The following RBM15B variants were observed in gnomAD, a reference collection of about 807,000 sequenced individuals.
RBM15B encodes the protein putative RNA-binding protein 15B.
RBM15B carries 11 observed loss-of-function variants against 53.3 expected under a neutral mutation model. That is an observed-to-expected ratio of 0.21 (90% CI 0.13 to 0.34). The LOEUF (loss-of-function observed/expected upper bound fraction) is 0.34, where lower values mean the gene tolerates loss of function less well. Ranked by LOEUF, RBM15B falls within the 10% of genes least tolerant of loss-of-function variation. The pLI, the probability that RBM15B is intolerant of heterozygous loss-of-function variation, is 1.00. For missense variants in RBM15B, 1,136 were observed against 1,250.3 expected, an observed-to-expected ratio of 0.91 and a Z score of 1.38; for synonymous variants, 631 against 540.7, an observed-to-expected ratio of 1.17 and a Z score of -2.32.
At position 51,392,098 on chromosome 3, in the gene RBM15B, C is replaced by T. The variant is rs1402369545; in HGVS notation, c.699C>T (p.Ser233=). 1.3e-6 allele frequency: 2 copies of T among 1,538,100 alleles called. No homozygotes were observed. Among genetic ancestry groups the T allele is most frequent in the African/African-American group, 1.4e-5 (1 of 72,464 alleles). Residue 233 remains serine, a synonymous_variant, in exon 1 of 1, where the codon AGC becomes AGT. Transcript: ENST00000563281. The surrounding 1 kb of genome is among the most constrained non-coding windows in gnomAD (Gnocchi z 7.5). The stretch of plus-strand genomic sequence containing the variant: ...GCAGTCGGCGAAGTAGCAGCAGCAG[C>T]GCCGCCGCTTCCACGCCTCCCCCAG... The part of the protein sequence containing the change: ...GGSSRRSSSS[S]AAASTPPPGP...
In RBM15B at chr3:51,393,478, C is replaced by G. The variant is rs143687792; in HGVS notation, c.2079C>G (p.Ala693=). 6.2e-6 allele frequency: 10 copies of G among 1,613,904 alleles called. No homozygotes were observed. The highest frequency in any genetic ancestry group is 8.5e-6 in the Non-Finnish European group (10 of 1,179,958). Residue 693 remains alanine, a synonymous_variant, in exon 1 of 1, where the codon GCC becomes GCG. Transcript: ENST00000563281. The surrounding 1 kb of genome is among the most constrained non-coding windows in gnomAD (Gnocchi z 5.6). The part of the protein sequence containing the change: ...DSERNHRTTE[A]EPKPLEEPKH... ...AGCGCAATCACCGGACCACAGAGGC[C>G]GAGCCCAAGCCTCTGGAAGAGCCAA...
In RBM15B at chr3:51,395,192, G is replaced by C. The variant is rs964728285; in HGVS notation, c.*1120G>C. The stretch of plus-strand genomic sequence containing the variant: ...ACTAGGGGATGCCCTTGATAATGAC[G>C]GTTTCCTAGGTGCAAGATCAGAGCA... On this transcript the variant is annotated 3_prime_UTR_variant, in exon 1 of 1. Transcript: ENST00000563281. 6.0e-6 allele frequency: 1 copy of C among 167,086 alleles called. No individual in the cohort carries two copies. The highest frequency in any genetic ancestry group is 2.4e-5 in the African/African-American group (1 of 41,426). 10.4% of individuals were successfully genotyped at this position (167,086 alleles called of 1,614,324 possible).
In RBM15B at chr3:51,393,634, G is replaced by A. The variant is rs782387115; in HGVS notation, c.2235G>A (p.Gly745=). 2 of 1,613,374 alleles carry A rather than the reference G, an allele frequency of 1.2e-6. No individual in the cohort carries two copies. The highest frequency in any genetic ancestry group is 2.2e-5 in the East Asian group (1 of 44,872). Residue 745 remains glycine, a synonymous_variant, in exon 1 of 1, where the codon GGG becomes GGA. Transcript: ENST00000563281. The surrounding 1 kb of genome is among the most constrained non-coding windows in gnomAD (Gnocchi z 5.6). The part of the protein sequence containing the change: ...TSMHILEGDQ[G]VISSLLKDHT... ...TGCATATCCTAGAGGGGGACCAGGGGGTGATCAGCAGTCTCCTCAAAGACC... is the reference window on the plus strand; with the variant it reads ...TGCATATCCTAGAGGGGGACCAGGGAGTGATCAGCAGTCTCCTCAAAGACC...
rs935031825 is a variant in RBM15B at position 51,395,533 on chromosome 3, G to A, written c.*1461G>A. Reference sequence around the variant, plus strand: ...AACACCCCAAATGCCATTCTTCAGCGTGTCTGGTACCTTGGATGTTCAAAC... The same window carrying A: ...AACACCCCAAATGCCATTCTTCAGCATGTCTGGTACCTTGGATGTTCAAAC... On this transcript the variant is annotated 3_prime_UTR_variant, in exon 1 of 1. Transcript: ENST00000563281. 2.6e-5 allele frequency: 9 copies of A among 349,280 alleles called. No individual in the cohort carries two copies. The highest frequency in any genetic ancestry group is 1.6e-4 in the South Asian group (1 of 6,428). The allele number at this position is 349,280 out of a possible 1,614,324, so 21.6% of individuals were successfully genotyped here.
In RBM15B at chr3:51,391,395, G is replaced by T; in HGVS notation, c.-5G>T. 8.2e-7 allele frequency: 1 copy of T among 1,225,594 alleles called. No homozygotes were observed. The highest frequency in any genetic ancestry group is 1.0e-6 in the Non-Finnish European group (1 of 983,342). 75.9% of individuals were successfully genotyped at this position (1,225,594 alleles called of 1,614,324 possible). On this transcript the variant is annotated 5_prime_UTR_variant, in exon 1 of 1. Coordinates refer to ENST00000563281, the MANE Select transcript of RBM15B (RefSeq NM_013286.5). The surrounding 1 kb of genome is among the most constrained non-coding windows in gnomAD (Gnocchi z 4.5). ...TACGGGCCGCCCGCCCGCCGCGCCA[G>T]CGCCATGAAGCGGCAGAGCGAGCGA... is the stretch of plus-strand genomic sequence containing the variant.
Position 51,395,525 on chromosome 3 carries a change from T to C in RBM15B, c.*1453T>C. On this transcript the variant is annotated 3_prime_UTR_variant, in exon 1 of 1. Coordinates refer to ENST00000563281, the MANE Select transcript of RBM15B (RefSeq NM_013286.5). ...CACCATGGAACACCCCAAATGCCAT[T>C]CTTCAGCGTGTCTGGTACCTTGGAT... 1 of 335,180 alleles carries C rather than the reference T, an allele frequency of 3.0e-6. No individual in the cohort carries two copies. Among genetic ancestry groups the C allele is most frequent in the Non-Finnish European group, 5.7e-6 (1 of 176,836 alleles). 20.8% of individuals were successfully genotyped at this position (335,180 alleles called of 1,614,324 possible). A position where few individuals can be genotyped will look rare whatever the true frequency, so the allele number is the denominator to read the frequency against.
chr3:51,392,214 C>T lies in RBM15B; in HGVS notation c.815C>T (p.Pro272Leu). 2 of 1,552,496 alleles carry T rather than the reference C, an allele frequency of 1.3e-6. No homozygotes were observed. The highest frequency in any genetic ancestry group is 1.7e-6 in the Non-Finnish European group (2 of 1,153,656). ...KQRSLSPVAA[P>L]PLREPRARHA... is the part of the protein sequence containing the mutation. ...CGCTCGCTGTCCCCCGTCGCTGCCCCGCCCCTGCGGGAGCCCCGTGCCCGT... is the reference window on the plus strand; with the variant it reads ...CGCTCGCTGTCCCCCGTCGCTGCCCTGCCCCTGCGGGAGCCCCGTGCCCGT... Residue 272 changes from proline (P) to leucine (L), a missense_variant, in exon 1 of 1, where the codon CCG becomes CTG. Physicochemically the swap from Pro to Leu is moderately conservative, Grantham distance 98. Around this residue, in one of 7 missense-constraint regions of RBM15B, gnomAD observed 204 missense variants for 196.8 expected, o/e 1.04. Transcript: ENST00000563281. This position sits in a 1 kb window ranked among gnomAD's most constrained non-coding sequence, Gnocchi z 7.5.
chr3:51,393,626 G>A lies in RBM15B; in HGVS notation c.2227G>A (p.Asp743Asn), dbSNP rs782194144. The A allele has an allele frequency of 1.9e-6, 3 of 1,613,632 alleles. No homozygotes were observed. Among genetic ancestry groups the A allele is most frequent in the Non-Finnish European group, 2.5e-6 (3 of 1,179,746 alleles). ...CACGTCTATGCATATCCTAGAGGGGGACCAGGGGGTGATCAGCAGTCTCCT... is the reference window on the plus strand; with the variant it reads ...CACGTCTATGCATATCCTAGAGGGGAACCAGGGGGTGATCAGCAGTCTCCT... ...FPTSMHILEGDQGVISSLLKD... is the reference protein window; with the variant it reads ...FPTSMHILEGNQGVISSLLKD... The change falls in exon 1 of 1, where the codon GAC becomes AAC. Residue 743 changes from aspartate (D) to asparagine (N), a missense_variant. Physicochemically the swap from Asp to Asn is conservative, Grantham distance 23. Around this residue, in one of 7 missense-constraint regions of RBM15B, gnomAD observed 578 missense variants for 581.6 expected, o/e 0.99. Transcript: ENST00000563281. This position sits in a 1 kb window ranked among gnomAD's most constrained non-coding sequence, Gnocchi z 5.6.
rs2089147481 is a variant in RBM15B at position 51,395,516 on chromosome 3, A to G, written c.*1444A>G. On this transcript the variant is annotated 3_prime_UTR_variant, in exon 1 of 1. Transcript: ENST00000563281. ...CAGTTTTGTCACCATGGAACACCCC[A>G]AATGCCATTCTTCAGCGTGTCTGGT... 1 of 318,168 alleles carries G rather than the reference A, an allele frequency of 3.1e-6. No individual in the cohort carries two copies. Among genetic ancestry groups the G allele is most frequent in the Non-Finnish European group, 6.0e-6 (1 of 166,066 alleles). The allele number at this position is 318,168 out of a possible 1,614,324, so 19.7% of individuals were successfully genotyped here.
In RBM15B at chr3:51,396,978, AAT is replaced by A. The variant is rs2089245102; in HGVS notation, c.*2908_*2909del. 6.0e-6 allele frequency: 1 copy of A among 167,072 alleles called. No individual in the cohort carries two copies. The highest frequency in any genetic ancestry group is 1.5e-5 in the Non-Finnish European group (1 of 68,120). The allele number at this position is 167,072 out of a possible 1,614,324, so 10.3% of individuals were successfully genotyped here. A position where few individuals can be genotyped will look rare whatever the true frequency, so the allele number is the denominator to read the frequency against. On this transcript the variant is annotated 3_prime_UTR_variant, in exon 1 of 1. Transcript: ENST00000563281. ...TCCTCTGCTCTCCAGAGGACCAAGAAATACCTGTGTGACACAGACCCACTTCA... is the reference window on the plus strand; with the variant it reads ...TCCTCTGCTCTCCAGAGGACCAAGAAACCTGTGTGACACAGACCCACTTCA...
chr3:51,392,412 A>T lies in RBM15B; in HGVS notation c.1013A>T (p.Asn338Ile), dbSNP rs1553621763. Residue 338 changes from asparagine (N) to isoleucine (I), a missense_variant, in exon 1 of 1, where the codon AAC becomes ATC. Asn to Ile is a moderately radical substitution (Grantham distance 149, BLOSUM62 -3). This residue lies in a region of RBM15B where 40 missense variants were observed against 74.2 expected (regional missense o/e 0.54). Coordinates refer to ENST00000563281, the MANE Select transcript of RBM15B (RefSeq NM_013286.5). This position sits in a 1 kb window ranked among gnomAD's most constrained non-coding sequence, Gnocchi z 7.5. ...MPEDDQRATR[N>I]LFIGNLDHSV... is the part of the protein sequence containing the mutation. ...GAGGATGACCAGCGGGCCACGCGCA[A>T]CCTCTTCATTGGTAACCTGGACCAC... The T allele has an allele frequency of 6.2e-7, 1 of 1,614,014 alleles. No homozygotes were observed. The highest frequency in any genetic ancestry group is 1.3e-5 in the African/African-American group (1 of 75,056).
Position 51,394,066 on chromosome 3 carries a change from T to G in RBM15B, c.2667T>G (p.Thr889=). The G allele has an allele frequency of 2.8e-6, 4 of 1,439,358 alleles. No individual in the cohort carries two copies. The highest frequency in any genetic ancestry group is 2.7e-6 in the Non-Finnish European group (3 of 1,093,758). 89.2% of individuals were successfully genotyped at this position (1,439,358 alleles called of 1,614,324 possible). A position where few individuals can be genotyped will look rare whatever the true frequency, so the allele number is the denominator to read the frequency against. ...TGGTGATAGTCATCGTCAGAGACAC[T>G]GCCTAGCCCAAGCCTGTCTTTCCCA... ...EHMVIVIVRD[T]A The change falls in exon 1 of 1, where the codon ACT becomes ACG. Residue 889 remains threonine (T), a synonymous_variant. Transcript: ENST00000563281.
In RBM15B at chr3:51,391,290, G is replaced by A. The variant is rs961886400; in HGVS notation, c.-110G>A. 2.3e-6 allele frequency: 2 copies of A among 864,154 alleles called. No individual in the cohort carries two copies. The highest frequency in any genetic ancestry group is 1.2e-4 in the South Asian group (2 of 17,004). The allele number at this position is 864,154 out of a possible 1,614,324, so 53.5% of individuals were successfully genotyped here. A position where few individuals can be genotyped will look rare whatever the true frequency, so the allele number is the denominator to read the frequency against. ...CCCGCCCCGCCGCCACCGCCGCGCC[G>A]AGTCCTTTTGTCCAAGATGGCGGCG... On this transcript the variant is annotated 5_prime_UTR_variant, in exon 1 of 1. Coordinates refer to ENST00000563281, the MANE Select transcript of RBM15B (RefSeq NM_013286.5). This position sits in a 1 kb window ranked among gnomAD's most constrained non-coding sequence, Gnocchi z 4.5.
In RBM15B at chr3:51,391,285, G is replaced by A. The variant is rs1553621448; in HGVS notation, c.-115G>A. ...CCCGCCCCGCCCCGCCGCCACCGCC[G>A]CGCCGAGTCCTTTTGTCCAAGATGG... On this transcript the variant is annotated 5_prime_UTR_variant, in exon 1 of 1. Coordinates refer to ENST00000563281, the MANE Select transcript of RBM15B (RefSeq NM_013286.5). The surrounding 1 kb of genome is among the most constrained non-coding windows in gnomAD (Gnocchi z 4.5). The A allele has an allele frequency of 1.3e-6, 1 of 782,194 alleles. No homozygotes were observed. The highest frequency in any genetic ancestry group is 1.6e-6 in the Non-Finnish European group (1 of 606,890). 48.5% of individuals were successfully genotyped at this position (782,194 alleles called of 1,614,324 possible). A position where few individuals can be genotyped will look rare whatever the true frequency, so the allele number is the denominator to read the frequency against.
chr3:51,397,026 A>G lies in RBM15B; in HGVS notation c.*2954A>G, dbSNP rs2089247712. ...CTTCAGTGTGTACAGCAAATTCTAT[A>G]GTGCTTCTGAGCCCAGCAGGGCTTT... On this transcript the variant is annotated 3_prime_UTR_variant, in exon 1 of 1. Coordinates refer to ENST00000563281, the MANE Select transcript of RBM15B (RefSeq NM_013286.5). 6.0e-6 allele frequency: 1 copy of G among 167,076 alleles called. No homozygotes were observed. The highest frequency in any genetic ancestry group is 1.5e-5 in the Non-Finnish European group (1 of 68,120). The allele number at this position is 167,076 out of a possible 1,614,324, so 10.3% of individuals were successfully genotyped here.
In RBM15B at chr3:51,392,268, C is replaced by T. The variant is rs782791889; in HGVS notation, c.869C>T (p.Ala290Val). 5 of 1,601,028 alleles carry T rather than the reference C, an allele frequency of 3.1e-6. No individual in the cohort carries two copies. In the South Asian group the frequency reaches 3.3e-5, roughly 11 times the overall value. ...GCCGCCGCAGCCTTCGCCCTGGATG[C>T]CGCTGCTGCCGCCGCCGTGGGACTG... The part of the protein sequence containing the change: ...RHAAAAFALD[A>V]AAAAAVGLSR... The change falls in exon 1 of 1, where the codon GCC becomes GTC. Residue 290 changes from alanine (A) to valine (V), a missense_variant. Ala to Val is a moderately conservative substitution (Grantham distance 64). Coordinates refer to ENST00000563281, the MANE Select transcript of RBM15B (RefSeq NM_013286.5). This position sits in a 1 kb window ranked among gnomAD's most constrained non-coding sequence, Gnocchi z 7.5.
chr3:51,391,385 C>T lies in RBM15B; in HGVS notation c.-15C>T. On this transcript the variant is annotated 5_prime_UTR_variant, in exon 1 of 1. Transcript: ENST00000563281. This position sits in a 1 kb window ranked among gnomAD's most constrained non-coding sequence, Gnocchi z 4.5. Reference sequence around the variant, plus strand: ...GTGAGAAACCTACGGGCCGCCCGCCCGCCGCGCCAGCGCCATGAAGCGGCA... The same window carrying T: ...GTGAGAAACCTACGGGCCGCCCGCCTGCCGCGCCAGCGCCATGAAGCGGCA... The T allele has an allele frequency of 8.2e-7, 1 of 1,214,084 alleles. No individual in the cohort carries two copies. The highest frequency in any genetic ancestry group is 1.0e-6 in the Non-Finnish European group (1 of 977,854). 75.2% of individuals were successfully genotyped at this position (1,214,084 alleles called of 1,614,324 possible). A position where few individuals can be genotyped will look rare whatever the true frequency, so the allele number is the denominator to read the frequency against.
At position 51,393,899 on chromosome 3, in the gene RBM15B, G is replaced by A. The variant is rs2106642970; in HGVS notation, c.2500G>A (p.Ala834Thr). The A allele has an allele frequency of 1.9e-6, 3 of 1,560,498 alleles. No individual in the cohort carries two copies. The highest frequency in any genetic ancestry group is 2.6e-6 in the Non-Finnish European group (3 of 1,153,796). ...CTCCTACTTGAAACAGAAGCAGGCCGCAGGGGTGATCAGCTTGCCAGTGGG... is the reference window on the plus strand; with the variant it reads ...CTCCTACTTGAAACAGAAGCAGGCCACAGGGGTGATCAGCTTGCCAGTGGG... ...LVSYLKQKQA[A>T]GVISLPVGGS... Residue 834 changes from alanine to threonine, a missense_variant, in exon 1 of 1, where the codon GCA becomes ACA. Physicochemically the swap from Ala to Thr is moderately conservative, Grantham distance 58. Around this residue, in one of 7 missense-constraint regions of RBM15B, gnomAD observed 578 missense variants for 581.6 expected, o/e 0.99. Transcript: ENST00000563281. This position sits in a 1 kb window ranked among gnomAD's most constrained non-coding sequence, Gnocchi z 5.6.
chr3:51,396,537 G>C lies in RBM15B; in HGVS notation c.*2465G>C, dbSNP rs780837469. 1.0e-4 allele frequency: 17 copies of C among 167,144 alleles called. No individual in the cohort carries two copies. Among genetic ancestry groups the C allele is most frequent in the Non-Finnish European group, 2.2e-4 (15 of 68,160 alleles). 10.4% of individuals were successfully genotyped at this position (167,144 alleles called of 1,614,324 possible). A position where few individuals can be genotyped will look rare whatever the true frequency, so the allele number is the denominator to read the frequency against. On this transcript the variant is annotated 3_prime_UTR_variant, in exon 1 of 1. Transcript: ENST00000563281. ...TTCAGGCATCCAGTGCCCCCACCCA[G>C]GGTTCAGGCCCTGTCTAAGGTGTTG...
Sources: gnomAD v4.1 joint callset for allele counts on GRCh38, gnomAD v4.1.1 for gene constraint, gnomAD v4.1.1 regional missense constraint, Gnocchi (gnomAD v3.1) non-coding constraint, MANE v1.5 for transcripts, NCBI Gene and HGNC (gene_info 2026-07-23, HGNC 2026-07-21) for gene names.